PTPRN2: variants seen among roughly 807,000 people sequenced by gnomAD.
PTPRN2 encodes protein tyrosine phosphatase receptor type N2, also known as receptor-type tyrosine-protein phosphatase N2.
A neutral mutation model predicts 118.8 loss-of-function variants in PTPRN2; 74 were observed. The observed-to-expected ratio is 0.62, with a 90% CI of 0.52 to 0.76. PTPRN2 has a LOEUF of 0.76. PTPRN2 is among the 30% of genes least tolerant of loss of function. The pLI is 0.00. For missense variants in PTPRN2, 1,481 were observed against 1,394.4 expected (o/e 1.06, Z -0.99); for synonymous variants, 641 against 608.0 (o/e 1.05, Z -0.80).
In PTPRN2 at chr7:157,831,057, G is replaced by A. The variant is rs986871567; in HGVS notation, c.1788+67616C>T. Among the ~76,000 whole-genome samples, 3 of 152,244 alleles carry A rather than the reference G, an allele frequency of 2.0e-5. No homozygotes were observed. Among genetic ancestry groups the A allele is most frequent in the Non-Finnish European group, 2.9e-5 (2 of 68,044 alleles). ...AGAGCTCAAAGTTGGTGACTCTGGA[G>A]GAAGAGGGTGCAGGTGCTCATTTTA... On this transcript the variant is annotated intron_variant, in intron 12 of 22. Transcript: ENST00000389418. This position sits in a 1 kb window ranked among gnomAD's most constrained non-coding sequence, Gnocchi z 4.8.
At chr7:157,883,835 G>C (rs1008135311) in intron 12 of PTPRN2, among the ~76,000 whole-genome samples, 7 of 147,366 alleles carry the variant, frequency 4.8e-5, no homozygotes, top group African/African-American at 1.8e-4. Context: ...GACTGTCAGA[G>C]ATCAGAACAC....
At chr7:157,700,051 C>T (rs1246034659) in intron 12 of PTPRN2, among the ~76,000 whole-genome samples, 2 of 152,202 alleles carry the variant, frequency 1.3e-5, no homozygotes, top group East Asian at 1.9e-4. Context: ...ATACCTACTT[C>T]GACCTTGCTC....
At chr7:158,332,834 A>C (rs1195199431) in intron 2 of PTPRN2, among the ~76,000 whole-genome samples, 174 of 150,828 alleles carry the variant, frequency 1.2e-3, no homozygotes, top group Admixed American at 2.2e-3. Flanking sequence ...TCACCATAAG[A>C]GGTGACACAT....
chr7:157,566,457 C>A (rs905825033), intron 21 of PTPRN2, among the ~76,000 whole-genome samples: 1 of 152,210 alleles, frequency 6.6e-6, no homozygotes, highest in Non-Finnish European at 1.5e-5. Context: ...GGGAAAGGCC[C>A]ACCTCAGCCG....
chr7:157,735,321 G>A (rs1800234456), intron 12 of PTPRN2, among the ~76,000 whole-genome samples: 2 of 152,228 alleles, frequency 1.3e-5, no homozygotes, highest in Admixed American at 1.3e-4. Context: ...CAGTCCCACT[G>A]ACTATGCCTG....
intron 16 of PTPRN2, among the ~76,000 whole-genome samples, chr7:157,602,825 A>C (rs1801758552): frequency 6.6e-6 from 1 of 152,198 alleles, no homozygotes; most frequent in African/African-American, 2.4e-5. Context: ...CTTTCATCCA[A>C]AGCTCCCTAT....
At position 158,051,915 on chromosome 7, in the gene PTPRN2, C is replaced by A. The variant is rs1344673429; in HGVS notation, c.1723+29383G>T. Among the ~76,000 whole-genome samples, 3 of 152,186 alleles carry A rather than the reference C, an allele frequency of 2.0e-5. No homozygotes were observed. In the East Asian group the frequency reaches 5.8e-4, roughly 29 times the overall value. ...TAAGATTTAAATGTGCGGTGACTAC[C>A]TGGTAGAGAGCGAGGAAGAGGGAAA... On this transcript the variant is annotated intron_variant, in intron 11 of 22. Coordinates refer to ENST00000389418, the MANE Select transcript of PTPRN2 (RefSeq NM_002847.5).
chr7:158,217,691 C>G (rs1828047774), intron 3 of PTPRN2, among the ~76,000 whole-genome samples: 1 of 152,150 alleles, frequency 6.6e-6, no homozygotes, highest in Admixed American at 6.5e-5. Context: ...AGTTGAAACT[C>G]AATCCAAGGA....
At chr7:158,534,224 A>C (rs13310273) in intron 1 of PTPRN2, among the ~76,000 whole-genome samples, 1 of 32,380 alleles carries the variant, frequency 3.1e-5, no homozygotes, top group East Asian at 1.8e-3. Flanking sequence ...CCCGGGCTCC[A>C]TCAGGGATGG....
chr7:157,568,910 A>G lies in PTPRN2; in HGVS notation c.2894T>C (p.Met965Thr), dbSNP rs762274961. 5.8e-6 allele frequency: 9 copies of G among 1,564,850 alleles called. No homozygotes were observed. Among genetic ancestry groups the G allele is most frequent in the East Asian group, 2.2e-5 (1 of 44,660 alleles). Residue 965 changes from methionine to threonine, a missense_variant, in exon 21 of 23, where the codon ATG becomes ACG. By Grantham distance (81) the Met-to-Thr change is moderately conservative. This residue lies in a region of PTPRN2 where 362 missense variants were observed against 384.1 expected (regional missense o/e 0.94). Transcript: ENST00000389418. ...YVLIDMVLNK[M>T]AKGAKEIDIA... ...CAGTGTCTGTGTCTCACCTTTGGCC[A>G]TCTTGTTGAGAACCATGTCGATCAG...
chr7:158,251,849 G>A (rs1422513776), intron 3 of PTPRN2, among the ~76,000 whole-genome samples: 2 of 152,156 alleles, frequency 1.3e-5, no homozygotes, highest in African/African-American at 2.4e-5. Flanking sequence ...AGTATGCTCA[G>A]CACAGTAAGT....
chr7:157,958,030 A>G (rs549158937), intron 11 of PTPRN2, among the ~76,000 whole-genome samples: 70 of 152,232 alleles, frequency 4.6e-4, no homozygotes, highest in Non-Finnish European at 9.3e-4. Flanking sequence ...TCAGAAGCAT[A>G]TTAAAACGAT....
intron 2 of PTPRN2, among the ~76,000 whole-genome samples, chr7:158,485,743 C>A (rs1389402710): frequency 6.6e-6 from 1 of 152,054 alleles, no homozygotes; most frequent in Admixed American, 6.5e-5. Context: ...AACATGCTCA[C>A]GTGAAAAACT....
intron 1 of PTPRN2, among the ~76,000 whole-genome samples, chr7:158,519,950 A>G (rs77381149): frequency 0.02 from 3,049 of 152,330 alleles, 92 homozygotes; most frequent in African/African-American, 0.064. Context: ...TTTCCTGTTC[A>G]GTGCAATGAC....
In PTPRN2 at chr7:158,133,996, C is replaced by T. The variant is rs191688875; in HGVS notation, c.1237G>A (p.Gly413Arg). 1 of 1,614,006 alleles carries T rather than the reference C, an allele frequency of 6.2e-7. No homozygotes were observed. The highest frequency in any genetic ancestry group is 2.2e-5 in the East Asian group (1 of 44,872). ...AGGGGCCTTGCAAAGGGGAGGGCTCCAGGTAAGAGTCGAGACCCGTGGTCC... is the reference window on the plus strand; with the variant it reads ...AGGGGCCTTGCAAAGGGGAGGGCTCTAGGTAAGAGTCGAGACCCGTGGTCC... ...LQDHGSRLLP[G>R]ALPFARPLDM... is the part of the protein sequence containing the mutation. The change falls in exon 9 of 23, where the codon GGA (glycine) becomes AGA (arginine). Residue 413 changes from glycine (G) to arginine (R), a missense_variant. By Grantham distance (125) the Gly-to-Arg change is moderately radical. This residue lies in a region of PTPRN2 where 1,115 missense variants were observed against 994.2 expected (regional missense o/e 1.12). Coordinates refer to ENST00000389418, the MANE Select transcript of PTPRN2 (RefSeq NM_002847.5).
chr7:157,719,484 C>T (rs1799115708), intron 12 of PTPRN2, among the ~76,000 whole-genome samples: 1 of 152,256 alleles, frequency 6.6e-6, no homozygotes, highest in South Asian at 2.1e-4. Context: ...GACAGCCCGG[C>T]TCCGGCCATG....
intron 2 of PTPRN2, among the ~76,000 whole-genome samples, chr7:158,337,771 C>T (rs1258805531): frequency 9.5e-5 from 9 of 95,006 alleles, no homozygotes; most frequent in African/African-American, 1.8e-4. Context: ...CACCTGCAAA[C>T]GTCACTCACA....
At chr7:158,297,995 C>T (rs559590607) in intron 3 of PTPRN2, among the ~76,000 whole-genome samples, 4 of 152,144 alleles carry the variant, frequency 2.6e-5, no homozygotes, top group Admixed American at 2.6e-4. Flanking sequence ...TTTCTAATTG[C>T]CTTTTCAAAT....
chr7:157,735,265 C>T (rs1464648462), intron 12 of PTPRN2, among the ~76,000 whole-genome samples: 1 of 152,224 alleles, frequency 6.6e-6, no homozygotes, highest in Non-Finnish European at 1.5e-5. Context: ...GAAGATCCAT[C>T]GAATGTATTG....
Sources: gnomAD v4.1 joint callset for allele counts (sites outside exome capture counted in the v4.1 genomes callset) on GRCh38, gnomAD v4.1.1 for gene constraint, gnomAD v4.1.1 regional missense constraint, Gnocchi (gnomAD v3.1) non-coding constraint, MANE v1.5 for transcripts, NCBI Gene and HGNC (gene_info 2026-07-23, HGNC 2026-07-21) for gene names.